RAP1GDS1: variants seen among roughly 807,000 people sequenced by gnomAD.
The protein encoded by RAP1GDS1 is Rap1 GTPase-GDP dissociation stimulator 1.
Under a neutral mutation model 71.1 loss-of-function variants are expected in RAP1GDS1, and 35 were observed. The ratio of observed to expected loss-of-function variants is 0.49; its 90% CI spans 0.38 to 0.65. RAP1GDS1 has a LOEUF of 0.65. Among genes scored for constraint, RAP1GDS1 ranks in the 30% least tolerant of loss-of-function variants. The probability of loss-of-function intolerance (pLI) is 0.00; values close to 1 mark genes in which losing one functional copy is unlikely to be tolerated. For synonymous variants in RAP1GDS1, 229 were observed against 243.1 expected (o/e 0.94, Z 0.54); for missense variants, 663 against 706.1 (o/e 0.94, Z 0.69).
At chr4:98,435,927 C>T (rs1041996049) in intron 13 of RAP1GDS1, among the ~76,000 whole-genome samples, 27 of 151,382 alleles carry the variant, frequency 1.8e-4, no homozygotes, top group African/African-American at 1.7e-4. Flanking sequence ...AAAAATTAGC[C>T]GGGAGCGGTG....
At chr4:98,287,849 C>A (rs1304591606) in intron 1 of RAP1GDS1, among the ~76,000 whole-genome samples, 1 of 151,898 alleles carries the variant, frequency 6.6e-6, no homozygotes, top group African/African-American at 2.4e-5. Flanking sequence ...TATTTAGGTA[C>A]ATTCCTGTTA....
intron 13 of RAP1GDS1, among the ~76,000 whole-genome samples, chr4:98,434,949 T>C (rs555083725): frequency 6.6e-6 from 1 of 152,236 alleles, no homozygotes; most frequent in South Asian, 2.1e-4. Flanking sequence ...TTGGGCAGAA[T>C]TCATCACGAG....
intron 2 of RAP1GDS1, among the ~76,000 whole-genome samples, chr4:98,322,442 T>TC (rs1732099605): frequency 1.7e-5 from 2 of 119,080 alleles, no homozygotes; most frequent in Non-Finnish European, 3.4e-5. Flanking sequence ...TACAGAACTC[T>TC]CCACCCCAAA....
intron 4 of RAP1GDS1, among the ~76,000 whole-genome samples, chr4:98,354,733 G>A (rs1737705534): frequency 6.6e-6 from 1 of 151,802 alleles, no homozygotes; most frequent in East Asian, 1.9e-4. Flanking sequence ...ATTTTATTAT[G>A]AATATTTATA....
At chr4:98,385,621 C>G (rs1352366054) in intron 5 of RAP1GDS1, among the ~76,000 whole-genome samples, 1 of 151,780 alleles carries the variant, frequency 6.6e-6, no homozygotes, top group African/African-American at 2.4e-5. Context: ...CCAGTTAATA[C>G]TGTACTGCCT....
chr4:98,334,515 C>T (rs72896338), intron 2 of RAP1GDS1, among the ~76,000 whole-genome samples: 1,904 of 152,170 alleles, frequency 0.013, 41 homozygotes, highest in African/African-American at 0.044. Flanking sequence ...GCAGGGAAAT[C>T]GTTTAGTGTG....
chr4:98,327,624 T>C (rs1424771510), intron 2 of RAP1GDS1, among the ~76,000 whole-genome samples: 2 of 152,204 alleles, frequency 1.3e-5, no homozygotes, highest in African/African-American at 4.8e-5. Flanking sequence ...TTTAATTTTC[T>C]CCCTTTTGAT....
rs568505447 is a variant in RAP1GDS1 at position 98,407,468 on chromosome 4, T to TACAC, written c.763+2886_763+2889dup. On this transcript the variant is annotated intron_variant, in intron 7 of 14. Coordinates refer to ENST00000408927, the MANE Select transcript of RAP1GDS1 (RefSeq NM_001100427.2). ...GTGGATAAAGAAAATGGGGTGTGTA[T>TACAC]ACACACACACACACACACACACAAC... is the stretch of plus-strand genomic sequence containing the variant. Among the ~76,000 whole-genome samples the TACAC allele has an allele frequency of 7.9e-3, 1,174 of 149,040 alleles. 17 individuals carry two copies. The highest frequency in any genetic ancestry group is 0.027 in the African/African-American group (1,103 of 40,846).
intron 1 of RAP1GDS1, among the ~76,000 whole-genome samples, chr4:98,263,666 C>G (rs1195092857): frequency 1.3e-5 from 2 of 152,136 alleles, no homozygotes; most frequent in Non-Finnish European, 2.9e-5. Context: ...TTTTTGTGTT[C>G]CCCACAGTGC....
chr4:98,419,865 C>T (rs1748561587), intron 10 of RAP1GDS1, among the ~76,000 whole-genome samples, 154 bp from the exon 11 acceptor site: 1 of 152,064 alleles, frequency 6.6e-6, no homozygotes, highest in African/African-American at 2.4e-5. Context: ...CAACTGAATT[C>T]CATTCTTAAA....
rs924479755 is a variant in RAP1GDS1, at chr4:98,377,498, T to C, written c.362-1519T>C. On this transcript the variant is annotated intron_variant, in intron 4 of 14. Transcript: ENST00000408927. ...ATCTGATGAGCTGATTAGCATACAGTCCTGTTTTCCATCTTTATAACAATA... is the reference window on the plus strand; with the variant it reads ...ATCTGATGAGCTGATTAGCATACAGCCCTGTTTTCCATCTTTATAACAATA... Among the ~76,000 whole-genome samples, 34 of 151,872 alleles carry C rather than the reference T, an allele frequency of 2.2e-4. 1 individual carries two copies. The highest frequency in any genetic ancestry group is 1.5e-5 in the Non-Finnish European group (1 of 67,822).
intron 3 of RAP1GDS1, among the ~76,000 whole-genome samples, chr4:98,345,122 T>C (rs1736032972): frequency 6.6e-6 from 1 of 152,230 alleles, no homozygotes; most frequent in Admixed American, 6.5e-5. Flanking sequence ...CATGAGCCAC[T>C]GATTCTGGCC....
At chr4:98,319,706 G>A (rs569596666) in intron 2 of RAP1GDS1, among the ~76,000 whole-genome samples, 29 of 150,734 alleles carry the variant, frequency 1.9e-4, no homozygotes, top group Non-Finnish European at 4.0e-4. Context: ...GCTTGAACTC[G>A]GTAGGCGAAG....
intron 12 of RAP1GDS1, among the ~76,000 whole-genome samples, chr4:98,432,175 A>G (rs1750519789): frequency 6.6e-6 from 1 of 152,198 alleles, no homozygotes; most frequent in African/African-American, 2.4e-5. Context: ...GAAAAGTGAG[A>G]TGAAAGTATA....
intron 10 of RAP1GDS1, among the ~76,000 whole-genome samples, chr4:98,419,129 C>T (rs116370792): frequency 0.014 from 2,146 of 152,274 alleles, 54 homozygotes; most frequent in African/African-American, 0.049. Flanking sequence ...AGTCCTGGCT[C>T]ACCACAGCCT....
intron 7 of RAP1GDS1, among the ~76,000 whole-genome samples, chr4:98,407,150 C>T (rs1231160751): frequency 6.6e-6 from 1 of 152,076 alleles, no homozygotes; most frequent in Non-Finnish European, 1.5e-5. Context: ...TGAATATGCT[C>T]ATAGTAGTCT....
intron 5 of RAP1GDS1, among the ~76,000 whole-genome samples, chr4:98,387,818 C>T (rs956549677): frequency 2.0e-5 from 3 of 152,120 alleles, no homozygotes; most frequent in African/African-American, 7.2e-5. Flanking sequence ...GTTTGTTGAG[C>T]TCTGATAACA....
intron 2 of RAP1GDS1, among the ~76,000 whole-genome samples, chr4:98,332,274 G>A (rs536844335): frequency 1.5e-4 from 23 of 152,308 alleles, no homozygotes; most frequent in South Asian, 4.1e-4. Flanking sequence ...AGGGGAACAC[G>A]TGGATCTTAG....
At chr4:98,413,213 G>A (rs1747340753) in intron 7 of RAP1GDS1, among the ~76,000 whole-genome samples, 1 of 133,186 alleles carries the variant, frequency 7.5e-6, no homozygotes, top group Admixed American at 7.0e-5. Flanking sequence ...CTTCCCCAGG[G>A]TATTACTATT....
Sources: gnomAD v4.1 joint callset for allele counts (sites outside exome capture counted in the v4.1 genomes callset) on GRCh38, gnomAD v4.1.1 for gene constraint, MANE v1.5 for transcripts, NCBI Gene and HGNC (gene_info 2026-07-23, HGNC 2026-07-21) for gene names.